The following CDH11 variants were observed in gnomAD, a reference collection of about 807,000 sequenced individuals.
CDH11 encodes cadherin-11.
CDH11 carries 11 observed loss-of-function variants against 67.8 expected under a neutral mutation model. The observed-to-expected ratio is 0.16, with a 90% CI of 0.10 to 0.27. CDH11 has a LOEUF of 0.27. Among genes scored for constraint, CDH11 ranks in the 10% least tolerant of loss-of-function variants. The probability of loss-of-function intolerance (pLI) is 1.00; values close to 1 mark genes in which losing one functional copy is unlikely to be tolerated. For synonymous variants in CDH11, 419 were observed against 400.0 expected, an observed-to-expected ratio of 1.05 and a Z score of -0.57; for missense variants, 847 against 1,031.2, an observed-to-expected ratio of 0.82 and a Z score of 2.45.
rs117203343 is a variant in CDH11, at chr16:65,104,776, T to C, written c.-298+17104A>G. Among the ~76,000 whole-genome samples the C allele has an allele frequency of 6.6e-3, 1,007 of 152,298 alleles. 8 individuals are homozygous for C. Among genetic ancestry groups the C allele is most frequent in the South Asian group, 9.3e-3 (45 of 4,820 alleles). ...CATTTATATTGCTGTTGTGAAGGCA[T>C]AGCGAATTATGGAGAGGATGTAAGA... On this transcript the variant is annotated intron_variant, in intron 1 of 12. Transcript: ENST00000268603.
At chr16:65,103,765 G>A (rs991300553) in intron 1 of CDH11, among the ~76,000 whole-genome samples, 6 of 152,040 alleles carry the variant, frequency 3.9e-5, no homozygotes, top group Non-Finnish European at 2.9e-5. Flanking sequence ...AGATGCATTA[G>A]TATAAAACAC....
At chr16:65,011,397 T>G (rs1160724431) in intron 2 of CDH11, among the ~76,000 whole-genome samples, 1 of 152,156 alleles carries the variant, frequency 6.6e-6, no homozygotes, top group African/African-American at 2.4e-5. Flanking sequence ...CAAAATAATC[T>G]TTGTTAGATG....
chr16:65,093,563 A>G (rs977485156), intron 1 of CDH11, among the ~76,000 whole-genome samples: 2 of 152,102 alleles, frequency 1.3e-5, no homozygotes, highest in Non-Finnish European at 2.9e-5. Context: ...TGAATTTTGA[A>G]GGAGACATGA....
chr16:65,104,503 T>C (rs796850079), intron 1 of CDH11, among the ~76,000 whole-genome samples: 8 of 152,252 alleles, frequency 5.3e-5, no homozygotes, highest in African/African-American at 1.9e-4. Flanking sequence ...TTTTTGTAGG[T>C]AGGTGCCACT....
intron 1 of CDH11, among the ~76,000 whole-genome samples, chr16:65,092,327 G>T (rs138676679): frequency 0.011 from 1,701 of 152,236 alleles, 31 homozygotes; most frequent in African/African-American, 0.038. Flanking sequence ...TAAAAATTCT[G>T]GACTCCCAGG....
intron 1 of CDH11, among the ~76,000 whole-genome samples, chr16:65,092,672 C>T (rs1447443383): frequency 6.6e-6 from 1 of 152,002 alleles, no homozygotes; most frequent in African/African-American, 2.4e-5. Flanking sequence ...CAGATGTCTC[C>T]TGTGTCTCTT....
At chr16:65,067,961 A>G in intron 1 of CDH11, among the ~76,000 whole-genome samples, 1 of 101,688 alleles carries the variant, frequency 9.8e-6, no homozygotes, top group Non-Finnish European at 1.9e-5. Flanking sequence ...GGAGGAAGGA[A>G]GGGAGGGAGG....
chr16:64,996,244 C>G (rs1350028548), intron 4 of CDH11, among the ~76,000 whole-genome samples: 1 of 152,118 alleles, frequency 6.6e-6, no homozygotes, highest in African/African-American at 2.4e-5. Flanking sequence ...AATCCTAGCA[C>G]TTTGGGAGGA....
chr16:64,976,505 A>G (rs938199926), intron 8 of CDH11, among the ~76,000 whole-genome samples: 1 of 152,198 alleles, frequency 6.6e-6, no homozygotes, highest in South Asian at 2.1e-4. Context: ...AATGTCCTCA[A>G]AGTTGAAGAG....
chr16:64,999,412 T>C (rs2072859421), intron 3 of CDH11, among the ~76,000 whole-genome samples: 1 of 152,204 alleles, frequency 6.6e-6, no homozygotes, highest in Non-Finnish European at 1.5e-5. Flanking sequence ...AGTACACACA[T>C]CATTCTTCAC....
intron 2 of CDH11, among the ~76,000 whole-genome samples, chr16:65,026,840 T>C (rs976946824): frequency 2.6e-5 from 4 of 152,188 alleles, no homozygotes; most frequent in African/African-American, 7.2e-5. Context: ...TTCTACATCC[T>C]TCCTTGCCTA....
chr16:64,990,600 T>TA (rs2072604981), intron 6 of CDH11, among the ~76,000 whole-genome samples: 1 of 139,390 alleles, frequency 7.2e-6, no homozygotes, highest in Admixed American at 7.8e-5. Context: ...GCCACATTTC[T>TA]AGGGCAACTT....
chr16:65,004,619 G>T (rs759166448), intron 3 of CDH11, 23 bp downstream of exon 3: 2 of 1,604,250 alleles, frequency 1.2e-6, no homozygotes, highest in African/African-American at 1.3e-5. Flanking sequence ...GGAAAGCTCA[G>T]GATTGAGGGA....
intron 1 of CDH11, among the ~76,000 whole-genome samples, chr16:65,087,862 T>C (rs1414345942): frequency 2.6e-5 from 4 of 152,202 alleles, no homozygotes; most frequent in African/African-American, 7.2e-5. Flanking sequence ...TTGACCTTTA[T>C]TGTTGTCTTT....
chr16:65,056,343 C>T (rs981174100), intron 1 of CDH11, among the ~76,000 whole-genome samples: 2 of 152,154 alleles, frequency 1.3e-5, no homozygotes, highest in Non-Finnish European at 2.9e-5. Flanking sequence ...AAGATGCCAT[C>T]TTGGACACCT....
intron 2 of CDH11, among the ~76,000 whole-genome samples, chr16:65,047,029 G>A (rs963775437): frequency 1.3e-5 from 2 of 152,126 alleles, no homozygotes; most frequent in African/African-American, 2.4e-5. Context: ...CATGAAAATC[G>A]CTTGAACCTC....
chr16:64,959,713 T>C (rs554283633), intron 11 of CDH11, among the ~76,000 whole-genome samples: 51 of 152,314 alleles, frequency 3.3e-4, no homozygotes, highest in Admixed American at 8.5e-4. Flanking sequence ...ACAGAGCATC[T>C]TCCATATTGG....
intron 7 of CDH11, 169 bp from the exon 8 acceptor site, chr16:64,982,470 T>A (rs1488783564): frequency 3.3e-6 from 2 of 607,978 alleles, no homozygotes; most frequent in Admixed American, 6.0e-5. Context: ...CACAAATCAA[T>A]TGCTGAAACC....
chr16:65,095,301 C>T (rs538771339), intron 1 of CDH11, among the ~76,000 whole-genome samples: 72 of 152,290 alleles, frequency 4.7e-4, no homozygotes, highest in African/African-American at 1.5e-3. Context: ...CAACCAACCA[C>T]ATCCTTGCAC....
Sources: allele counts gnomAD v4.1 joint callset (sites outside exome capture counted in the v4.1 genomes callset), GRCh38; gene constraint gnomAD v4.1.1; transcripts MANE v1.5; gene names NCBI Gene and HGNC (gene_info 2026-07-23, HGNC 2026-07-21).